Variants in TNS2 observed in about 807,000 individuals in gnomAD.
The protein encoded by TNS2 is tensin-2.
TNS2 carries 77 observed loss-of-function variants against 155.7 expected under a neutral mutation model. The observed-to-expected ratio is 0.49, with a 90% CI of 0.41 to 0.60. The LOEUF is 0.60. Among genes scored for constraint, TNS2 ranks in the 20% least tolerant of loss-of-function variants. The pLI, the probability that TNS2 is intolerant of heterozygous loss-of-function variation, is 0.00. For missense variants in TNS2, 1,703 were observed against 1,868.8 expected (o/e 0.91, Z 1.64); for synonymous variants, 726 against 763.9 (o/e 0.95, Z 0.82).
chr12:53,062,796 C>T (rs1283498182), intron 25 of TNS2, 99 bp downstream of exon 25: 19 of 1,396,738 alleles, frequency 1.4e-5, no homozygotes, highest in Non-Finnish European at 1.9e-5. Flanking sequence ...GGTGGGTGAG[C>T]CCTGGCCAAC....
At chr12:53,058,164 G>A (rs760919468) in intron 14 of TNS2, 62 bp downstream of exon 14, 37 of 1,611,750 alleles carry the variant, frequency 2.3e-5, no homozygotes, top group Middle Eastern at 3.3e-4. Flanking sequence ...GTGGTGTAAC[G>A]GCACAGTCAC....
At chr12:53,052,391 A>C in intron 2 of TNS2, 64 bp from the exon 3 acceptor site, 1 of 1,596,366 alleles carries the variant, frequency 6.3e-7, no homozygotes, top group African/African-American at 1.3e-5. Flanking sequence ...AGATGAGGGA[A>C]GGCCATTCCT....
intron 8 of TNS2, 69 bp from the exon 9 acceptor site, chr12:53,055,499 C>T: frequency 1.9e-6 from 3 of 1,542,018 alleles, no homozygotes; most frequent in Non-Finnish European, 1.8e-6. Flanking sequence ...GCCCTGTCCC[C>T]TTTCCACCCT....
In TNS2 at chr12:53,050,159, G is replaced by A; in HGVS notation, c.-27G>A. ...GGCCCCAGCATTGTTCAGGCCCTGG[G>A]GCCAGCACCCCAGCCAGCCGAACAC... On this transcript the variant is annotated 5_prime_UTR_variant, in exon 1 of 29. Transcript: ENST00000314250. This position sits in a 1 kb window ranked among gnomAD's most constrained non-coding sequence, Gnocchi z 4.7. The A allele has an allele frequency of 1.9e-6, 3 of 1,605,006 alleles. No individual in the cohort carries two copies. The highest frequency in any genetic ancestry group is 1.7e-6 in the Non-Finnish European group (2 of 1,176,986).
chr12:53,055,857 A>G lies in TNS2; in HGVS notation c.761+12A>G, dbSNP rs1028725725. The G allele has an allele frequency of 3.7e-6, 6 of 1,606,166 alleles. No individual in the cohort carries two copies. The African/African-American group carries it at 4.0e-5, about 11-fold the overall frequency. The stretch of plus-strand genomic sequence containing the variant: ...AAGATCTCTGCAGGGTGAGGCTCCC[A>G]GCGCCTGAGTAGCTGCTTCCCCAGT... On this transcript the variant is annotated intron_variant, in intron 10 of 28. Transcript: ENST00000314250.
At chr12:53,061,314 C>T (rs774467374) in intron 20 of TNS2, 50 bp downstream of exon 20, 1 of 1,610,434 alleles carries the variant, frequency 6.2e-7, no homozygotes, top group East Asian at 2.2e-5. Flanking sequence ...ACCCTTTCTC[C>T]TGGGATGTAG....
intron 7 of TNS2, 78 bp from the exon 8 acceptor site, chr12:53,055,108 C>G: frequency 6.6e-7 from 1 of 1,511,956 alleles, no homozygotes; most frequent in Non-Finnish European, 9.2e-7. Flanking sequence ...GAGGAAGATT[C>G]TTACTTAGGA....
At chr12:53,049,897 G>C, upstream of TNS2, 1 of 585,378 alleles carries the variant, frequency 1.7e-6, no homozygotes, top group Middle Eastern at 5.3e-4. Flanking sequence ...GGGGGAGTAG[G>C]GGGAGCAAAA....
chr12:53,060,799 G>A lies in TNS2; in HGVS notation c.2893G>A (p.Gly965Arg), dbSNP rs1199739622. 2 of 1,611,898 alleles carry A rather than the reference G, an allele frequency of 1.2e-6. No individual in the cohort carries two copies. The highest frequency in any genetic ancestry group is 1.7e-6 in the Non-Finnish European group (2 of 1,179,036). The change falls in exon 20 of 29, where the codon GGG (glycine) becomes AGG (arginine). Residue 965 changes from glycine to arginine, a missense_variant. Coordinates refer to ENST00000314250, the MANE Select transcript of TNS2 (RefSeq NM_170754.4). This position sits in a 1 kb window ranked among gnomAD's most constrained non-coding sequence, Gnocchi z 6.1. ...GKAPELPSGSGPEPLAPSPVS... is the reference protein window; with the variant it reads ...GKAPELPSGSRPEPLAPSPVS... ...GGCCCCTGAGCTGCCGTCGGGAAGT[G>A]GGCCTGAGCCTCTGGCCCCTAGCCC... is the stretch of plus-strand genomic sequence containing the variant.
At chr12:53,053,085 G>A (rs750371760) in intron 3 of TNS2, 31 of 395,472 alleles carry the variant, frequency 7.8e-5, no homozygotes, top group Non-Finnish European at 1.3e-4. Context: ...CCAGGGGCGG[G>A]GTCTCCCGGT....
Position 53,059,757 on chromosome 12 carries a change from G to A in TNS2, c.2116G>A (p.Gly706Arg). 6.2e-7 allele frequency: 1 copy of A among 1,612,678 alleles called. No homozygotes were observed. The highest frequency in any genetic ancestry group is 8.5e-7 in the Non-Finnish European group (1 of 1,179,626). ...GGCGCTGCCTACAGCAGCCTTGTATGGACTGCGGCTGGAGAGGGAGGCTGG... is the reference window on the plus strand; with the variant it reads ...GGCGCTGCCTACAGCAGCCTTGTATAGACTGCGGCTGGAGAGGGAGGCTGG... ...KLALPTAALY[G>R]LRLEREAGEG... Residue 706 changes from glycine (G) to arginine (R), a missense_variant, in exon 18 of 29, where the codon GGA becomes AGA. Coordinates refer to ENST00000314250, the MANE Select transcript of TNS2 (RefSeq NM_170754.4). This position sits in a 1 kb window ranked among gnomAD's most constrained non-coding sequence, Gnocchi z 4.7.
chr12:53,063,491 A>AC lies in TNS2; in HGVS notation c.4062-72_4062-71insC. ...GGTCCCAGCTCCCAGCCCCAGCCCCAGCCCCGGCCCCGGCCCCCCTTCAGC... is the reference window on the plus strand; with the variant it reads ...GGTCCCAGCTCCCAGCCCCAGCCCCACGCCCCGGCCCCGGCCCCCCTTCAGC... On this transcript the variant is annotated intron_variant, in intron 27 of 28. Transcript: ENST00000314250. This position sits in a 1 kb window ranked among gnomAD's most constrained non-coding sequence, Gnocchi z 5.6. 1.1e-5 allele frequency: 9 copies of AC among 815,574 alleles called. No homozygotes were observed. Among genetic ancestry groups the AC allele is most frequent in the African/African-American group, 2.2e-5 (1 of 46,352 alleles). The allele number at this position is 815,574 out of a possible 1,614,324, so 50.5% of individuals were successfully genotyped here. A position where few individuals can be genotyped will look rare whatever the true frequency, so the allele number is the denominator to read the frequency against.
chr12:53,062,623 C>A lies in TNS2; in HGVS notation c.3749C>A (p.Pro1250His). 1 of 1,614,078 alleles carries A rather than the reference C, an allele frequency of 6.2e-7. No homozygotes were observed. Among genetic ancestry groups the A allele is most frequent in the South Asian group, 1.1e-5 (1 of 91,086 alleles). ...TGTCGGTTCTCATTGCCCTCAGATCCTCTGGAAGAGACCCCAGAGGCTCCA... is the reference window on the plus strand; with the variant it reads ...TGTCGGTTCTCATTGCCCTCAGATCATCTGGAAGAGACCCCAGAGGCTCCA... Reference protein sequence around the residue: ...PCCLRIPSKDPLEETPEAPVP... With the variant: ...PCCLRIPSKDHLEETPEAPVP... The change falls in exon 25 of 29, where the codon CCT (proline) becomes CAT (histidine). Residue 1250 changes from proline to histidine, a missense_variant. Transcript: ENST00000314250.
At chr12:53,057,872 C>T in intron 13 of TNS2, 39 bp downstream of exon 13, 1 of 1,613,174 alleles carries the variant, frequency 6.2e-7, no homozygotes, top group Non-Finnish European at 8.5e-7. Flanking sequence ...ACTTCATGAC[C>T]AGGGCCCCTC....
rs1944241312 is a variant in TNS2 at position 53,058,448 on chromosome 12, G to A, written c.1225+3G>A. The A allele has an allele frequency of 7.4e-6, 12 of 1,614,028 alleles. No individual in the cohort carries two copies. In the East Asian group the frequency reaches 2.0e-4, roughly 27 times the overall value. On this transcript the variant is annotated splice_donor_region_variant and intron_variant, in intron 15 of 28. Coordinates refer to ENST00000314250, the MANE Select transcript of TNS2 (RefSeq NM_170754.4). ...CCAGCTTGACGAGGCCTGGACTGGT[G>A]AGTCTGAGACAAGTGGCCTGGGGCT...
At position 53,062,690 on chromosome 12, in the gene TNS2, G is replaced by A; in HGVS notation, c.3816G>A (p.Gln1272=). The A allele has an allele frequency of 6.2e-7, 1 of 1,613,912 alleles. No homozygotes were observed. The highest frequency in any genetic ancestry group is 8.5e-7 in the Non-Finnish European group (1 of 1,179,948). Residue 1272 remains glutamine, a synonymous_variant, in exon 25 of 29, where the codon CAG becomes CAA. Transcript: ENST00000314250. ...NMSTAADLLR[Q]GAACSVLYLT... is the part of the protein sequence containing the mutation. ...GCACAGCGGCAGACCTCCTGCGTCA[G>A]GGTGCTGGTAGAGACTTCCCCTCCA...
chr12:53,051,745 A>G (rs1943940259), intron 1 of TNS2, 110 bp from the exon 2 acceptor site: 2 of 829,062 alleles, frequency 2.4e-6, no homozygotes, highest in Non-Finnish European at 3.9e-6. Context: ...TGAGGGCTTG[A>G]TCTGGACGGA....
intron 23 of TNS2, 34 bp downstream of exon 23, chr12:53,062,279 G>T (rs1944407774): frequency 1.2e-6 from 2 of 1,613,180 alleles, no homozygotes; most frequent in African/African-American, 2.7e-5. Flanking sequence ...GGCTACGTTG[G>T]GTCGGTTTAG....
chr12:53,047,401 CGG>C (rs1189127924), upstream of TNS2, among the ~76,000 whole-genome samples: 1 of 145,250 alleles, frequency 6.9e-6, no homozygotes, highest in African/African-American at 2.5e-5. Context: ...GCTGGGCGGG[CGG>C]CGGTCTCTGC....
Sources: allele counts gnomAD v4.1 joint callset (sites outside exome capture counted in the v4.1 genomes callset), GRCh38; gene constraint gnomAD v4.1.1; non-coding constraint Gnocchi (gnomAD v3.1); transcripts MANE v1.5; gene names NCBI Gene and HGNC (gene_info 2026-07-23, HGNC 2026-07-21).